RIPOR2: variants seen among roughly 807,000 people sequenced by gnomAD.
The protein encoded by RIPOR2 is rho family-interacting cell polarization regulator 2.
Under a neutral mutation model 114.5 loss-of-function variants are expected in RIPOR2, and 39 were observed. The ratio of observed to expected loss-of-function variants is 0.34; its 90% CI spans 0.26 to 0.44. The LOEUF is 0.44. Among genes scored for constraint, RIPOR2 ranks in the 20% least tolerant of loss-of-function variants. RIPOR2 has a pLI of 1.00. For missense variants in RIPOR2, 1,007 were observed against 1,255.1 expected, an observed-to-expected ratio of 0.80 and a Z score of 2.99; for synonymous variants, 445 against 484.4, an observed-to-expected ratio of 0.92 and a Z score of 1.07.
intron 1 of RIPOR2, among the ~76,000 whole-genome samples, chr6:24,934,228 A>T (rs2114156247): frequency 6.6e-6 from 1 of 152,298 alleles, no homozygotes; most frequent in East Asian, 1.9e-4. Flanking sequence ...GTATCTAAGT[A>T]TAAATTTTCT....
chr6:24,891,171 C>A (rs1411011853), intron 1 of RIPOR2, among the ~76,000 whole-genome samples: 1 of 152,146 alleles, frequency 6.6e-6, no homozygotes, highest in East Asian at 1.9e-4. Flanking sequence ...CATATGCCAG[C>A]AGTTGCAAAG....
At chr6:24,946,037 G>T (rs548732577) in intron 1 of RIPOR2, among the ~76,000 whole-genome samples, 133 of 151,792 alleles carry the variant, frequency 8.8e-4, no homozygotes, top group African/African-American at 3.2e-3. Context: ...ATAAAATTTT[G>T]ATTTCATGCT....
intron 11 of RIPOR2, among the ~76,000 whole-genome samples, chr6:24,848,648 A>G (rs541227992): frequency 1.3e-5 from 2 of 152,346 alleles, no homozygotes; most frequent in East Asian, 3.9e-4. Context: ...TCTGTTCACA[A>G]TGATGCCACT....
At chr6:24,885,467 T>C (rs550243406) in intron 1 of RIPOR2, among the ~76,000 whole-genome samples, 85 of 152,282 alleles carry the variant, frequency 5.6e-4, no homozygotes, top group African/African-American at 2.0e-3. Context: ...CAAGCAATCC[T>C]CCTGCCTCGG....
chr6:24,850,764 C>A (rs374074436), intron 9 of RIPOR2, 42 bp from the exon 10 acceptor site: 1 of 1,610,438 alleles, frequency 6.2e-7, no homozygotes, highest in Non-Finnish European at 8.5e-7. Flanking sequence ...CTTGCCACCC[C>A]CTCTTCTCCA....
chr6:24,956,981 C>T (rs1368125817), intron 1 of RIPOR2, among the ~76,000 whole-genome samples: 1 of 152,214 alleles, frequency 6.6e-6, no homozygotes, highest in East Asian at 1.9e-4. Context: ...TATCGTTTCT[C>T]CACCAACTTA....
intron 14 of RIPOR2, 31 bp from the exon 15 acceptor site, chr6:24,835,902 C>A: frequency 1.3e-6 from 2 of 1,549,144 alleles, no homozygotes; most frequent in Non-Finnish European, 1.7e-6. Flanking sequence ...ATTAGCTATT[C>A]TTTTTCTGTG....
At chr6:24,810,927 C>T (rs1243741544) in intron 20 of RIPOR2, among the ~76,000 whole-genome samples, 1 of 152,104 alleles carries the variant, frequency 6.6e-6, no homozygotes, top group African/African-American at 2.4e-5. Context: ...GCCTCAGCCT[C>T]CTGAGTAGCT....
At chr6:24,855,023 CAAA>C (rs71310727) in intron 8 of RIPOR2, among the ~76,000 whole-genome samples, 22 of 54,508 alleles carry the variant, frequency 4.0e-4, no homozygotes, top group South Asian at 7.4e-4. Context: ...AACTCCGTCT[CAAA>C]AAAAAAAAAA....
intron 8 of RIPOR2, among the ~76,000 whole-genome samples, chr6:24,854,124 G>GAAAAA (rs56203816): frequency 2.3e-5 from 2 of 86,438 alleles, no homozygotes; most frequent in African/African-American, 3.8e-5. Flanking sequence ...GTCTGAAAAA[G>GAAAAA]AAAAAAAAAA....
At chr6:25,002,214 C>T (rs1775353325) in intron 1 of RIPOR2, among the ~76,000 whole-genome samples, 1 of 152,220 alleles carries the variant, frequency 6.6e-6, no homozygotes, top group South Asian at 2.1e-4. Flanking sequence ...CAGTAAATGG[C>T]ATTTAAAACA....
intron 1 of RIPOR2, among the ~76,000 whole-genome samples, chr6:25,018,489 A>G (rs1458048426): frequency 6.6e-6 from 1 of 152,140 alleles, no homozygotes. Flanking sequence ...TGTTTTTTCT[A>G]TATAGAACGC....
chr6:24,909,829 C>T lies in RIPOR2; in HGVS notation c.61+26009G>A, dbSNP rs138746334. On this transcript the variant is annotated intron_variant, in intron 1 of 21. Transcript: ENST00000643898. Reference sequence around the variant, plus strand: ...TCACTCAAGCAACATGTAGGTATCTCCAAGACAGGGACCTACGAGCCTACC... The same window carrying T: ...TCACTCAAGCAACATGTAGGTATCTTCAAGACAGGGACCTACGAGCCTACC... 1.6e-4 allele frequency among the ~76,000 whole-genome samples: 25 copies of T among 152,202 alleles called. 1 individual carries two copies. The East Asian group carries it at 4.6e-3, about 28-fold the overall frequency.
chr6:24,817,644 C>T (rs1295571091), intron 20 of RIPOR2, among the ~76,000 whole-genome samples: 2 of 15,572 alleles, frequency 1.3e-4, no homozygotes, highest in Non-Finnish European at 4.4e-4. Flanking sequence ...CCGTCTTCTG[C>T]GTCGCTCACG....
intron 1 of RIPOR2, among the ~76,000 whole-genome samples, chr6:24,877,700 A>G (rs1203211949): frequency 2.0e-5 from 3 of 152,226 alleles, no homozygotes; most frequent in African/African-American, 7.2e-5. Context: ...TTTTACTTCT[A>G]TATAAGGGTG....
At chr6:25,018,896 G>A (rs1776156641) in intron 1 of RIPOR2, among the ~76,000 whole-genome samples, 1 of 152,098 alleles carries the variant, frequency 6.6e-6, no homozygotes. Flanking sequence ...ATCTATTGAT[G>A]ATCATTGTCT....
intron 1 of RIPOR2, among the ~76,000 whole-genome samples, chr6:24,880,596 A>C (rs1766250359): frequency 6.6e-6 from 1 of 152,218 alleles, no homozygotes; most frequent in Admixed American, 6.5e-5. Context: ...AGAAGTGAAA[A>C]GGAGACAGCT....
chr6:24,906,646 T>G lies in RIPOR2; in HGVS notation c.61+29192A>C, dbSNP rs536899779. ...GAAGGTATAATCAATATCTTACACT[T>G]TTTCTTTTTCTTAAGGGTCTCACTC... is the stretch of plus-strand genomic sequence containing the variant. On this transcript the variant is annotated intron_variant, in intron 1 of 21. Transcript: ENST00000643898. Among the ~76,000 whole-genome samples the G allele has an allele frequency of 2.0e-4, 31 of 152,168 alleles. 1 individual carries two copies. Among genetic ancestry groups the G allele is most frequent in the African/African-American group, 6.7e-4 (28 of 41,516 alleles).
At chr6:25,024,178 G>T in intron 1 of RIPOR2, 1 of 1,345,158 alleles carries the variant, frequency 7.4e-7, no homozygotes, top group Non-Finnish European at 1.1e-6. Context: ...ATTTCCACTT[G>T]TTTGCTGGCA....
Sources: allele counts gnomAD v4.1 joint callset (sites outside exome capture counted in the v4.1 genomes callset), GRCh38; gene constraint gnomAD v4.1.1; transcripts MANE v1.5; gene names NCBI Gene and HGNC (gene_info 2026-07-23, HGNC 2026-07-21).